FAM171A1: variants seen among roughly 807,000 people sequenced by gnomAD.
FAM171A1 encodes the protein family with sequence similarity 171 member A1.
Under a neutral mutation model 74.9 loss-of-function variants are expected in FAM171A1, and 23 were observed. The ratio of observed to expected loss-of-function variants is 0.31; its 90% CI spans 0.22 to 0.44. The LOEUF is 0.44. FAM171A1 is among the 20% of genes least tolerant of loss of function. The pLI, the probability that FAM171A1 is intolerant of heterozygous loss-of-function variation, is 1.00. For missense variants in FAM171A1, 1,162 were observed against 1,159.2 expected, an observed-to-expected ratio of 1.00 and a Z score of -0.03; for synonymous variants, 527 against 505.7, an observed-to-expected ratio of 1.04 and a Z score of -0.57.
Position 15,275,960 on chromosome 10 carries a change from G to T in FAM171A1, c.326-13C>A, listed in dbSNP as rs774797125. ...AGAGAGGAAAATACTGCAGGAAAAAGAAATGGATAGAAGGGGATTTTAATA... is the reference window on the plus strand; with the variant it reads ...AGAGAGGAAAATACTGCAGGAAAAATAAATGGATAGAAGGGGATTTTAATA... On this transcript the variant is annotated splice_polypyrimidine_tract_variant and intron_variant, in intron 2 of 7. Transcript: ENST00000378116. 1.3e-6 allele frequency: 2 copies of T among 1,588,198 alleles called. No individual in the cohort carries two copies. Among genetic ancestry groups the T allele is most frequent in the Non-Finnish European group, 1.7e-6 (2 of 1,160,688 alleles).
chr10:15,296,486 T>C (rs1385270191), intron 1 of FAM171A1, among the ~76,000 whole-genome samples: 2 of 152,212 alleles, frequency 1.3e-5, no homozygotes, highest in Non-Finnish European at 2.9e-5. Flanking sequence ...GCAATCCTTG[T>C]GTGTGTTTAA....
chr10:15,352,962 C>CA (rs1446337156), intron 1 of FAM171A1, among the ~76,000 whole-genome samples: 1 of 152,222 alleles, frequency 6.6e-6, no homozygotes, highest in Non-Finnish European at 1.5e-5. Flanking sequence ...CTACCAGCAA[C>CA]ATTTGGACAA....
intron 1 of FAM171A1, among the ~76,000 whole-genome samples, chr10:15,302,975 G>A (rs1835250358): frequency 1.3e-5 from 2 of 152,138 alleles, no homozygotes; most frequent in African/African-American, 4.8e-5. Flanking sequence ...GATTACCTGA[G>A]GTCAGGAGTT....
chr10:15,371,017 C>T lies in FAM171A1; in HGVS notation c.36G>A (p.Leu12=). The part of the protein sequence containing the change: ...SRSATLLLCL[L]GCHVWKAVTK... Reference sequence around the variant, plus strand: ...TCACCGCCTTCCAGACGTGGCAGCCCAGCAGGCACAGCAGCAGCGTCGCGG... The same window carrying T: ...TCACCGCCTTCCAGACGTGGCAGCCTAGCAGGCACAGCAGCAGCGTCGCGG... Residue 12 remains leucine, a synonymous_variant, in exon 1 of 8, where the codon CTG becomes CTA. Transcript: ENST00000378116. The T allele has an allele frequency of 1.3e-5, 15 of 1,185,166 alleles. No homozygotes were observed. The highest frequency in any genetic ancestry group is 1.6e-5 in the Non-Finnish European group (15 of 934,234). 73.4% of individuals were successfully genotyped at this position (1,185,166 alleles called of 1,614,324 possible).
At chr10:15,288,127 GTA>G (rs1163388970) in intron 1 of FAM171A1, among the ~76,000 whole-genome samples, 1 of 152,146 alleles carries the variant, frequency 6.6e-6, no homozygotes, top group Non-Finnish European at 1.5e-5. Flanking sequence ...GTATTCCATA[GTA>G]TATATATACC....
chr10:15,366,209 T>C (rs1315769768), intron 1 of FAM171A1, among the ~76,000 whole-genome samples: 1 of 152,182 alleles, frequency 6.6e-6, no homozygotes, highest in Non-Finnish European at 1.5e-5. Context: ...AACCTCTGCC[T>C]CCCGAGTTCA....
At chr10:15,273,027 G>C (rs1408649324) in intron 3 of FAM171A1, among the ~76,000 whole-genome samples, 1 of 152,018 alleles carries the variant, frequency 6.6e-6, no homozygotes, top group Non-Finnish European at 1.5e-5. Context: ...CAGAAGGCAA[G>C]AAATAACTAA....
At chr10:15,341,532 C>T (rs966299963) in intron 1 of FAM171A1, among the ~76,000 whole-genome samples, 2 of 152,158 alleles carry the variant, frequency 1.3e-5, no homozygotes, top group Non-Finnish European at 2.9e-5. Flanking sequence ...GATTTCTGAT[C>T]GGATCCATGG....
intron 1 of FAM171A1, among the ~76,000 whole-genome samples, chr10:15,359,112 CAT>C (rs774025604): frequency 2.3e-4 from 35 of 152,206 alleles, no homozygotes; most frequent in Admixed American, 1.6e-3. Flanking sequence ...GCACCGAGCA[CAT>C]GTTTCCTAAT....
At chr10:15,244,322 G>A (rs916389603) in intron 5 of FAM171A1, among the ~76,000 whole-genome samples, 1 of 152,136 alleles carries the variant, frequency 6.6e-6, no homozygotes, top group Admixed American at 6.5e-5. Flanking sequence ...GCCACAGCAC[G>A]CCAGCTTGGG....
At chr10:15,276,211 C>G (rs1414457127) in intron 2 of FAM171A1, among the ~76,000 whole-genome samples, 5 of 151,410 alleles carry the variant, frequency 3.3e-5, no homozygotes, top group African/African-American at 4.9e-5. Flanking sequence ...GAGACGGACT[C>G]TCGCTTGTCA....
At chr10:15,343,273 G>C (rs960818450) in intron 1 of FAM171A1, among the ~76,000 whole-genome samples, 5 of 152,224 alleles carry the variant, frequency 3.3e-5, no homozygotes, top group African/African-American at 1.2e-4. Context: ...GGGGGCTGAG[G>C]TGGGAGGATC....
Position 15,229,594 on chromosome 10 carries a change from TCATCAC to T in FAM171A1, c.755-8540_755-8535del, listed in dbSNP as rs1183665106. ...ATCACCAACGTCATCATCATCACCA[TCATCAC>T]CATCACCATCATCACCATTGTCACC... On this transcript the variant is annotated intron_variant, in intron 5 of 7. Coordinates refer to ENST00000378116, the MANE Select transcript of FAM171A1 (RefSeq NM_001010924.2). Among the ~76,000 whole-genome samples the T allele has an allele frequency of 2.7e-4, 32 of 120,508 alleles. 1 individual carries two copies. Among genetic ancestry groups the T allele is most frequent in the East Asian group, 1.6e-3 (6 of 3,700 alleles). The allele number at this position is 120,508 out of a possible 152,430, so 79.1% of individuals were successfully genotyped here.
rs183479453 is a variant in FAM171A1 at position 15,359,853 on chromosome 10, C to T, written c.97+11103G>A. On this transcript the variant is annotated intron_variant, in intron 1 of 7. Transcript: ENST00000378116. The stretch of plus-strand genomic sequence containing the variant: ...CACGGAGGTCAGAAAGGCTTCTGGC[C>T]AGGACAACAAAACAACAGGGACTCC... Among the ~76,000 whole-genome samples, 565 of 152,252 alleles carry T rather than the reference C, an allele frequency of 3.7e-3. 1 individual carries two copies. The highest frequency in any genetic ancestry group is 0.013 in the African/African-American group (541 of 41,546).
At position 15,213,781 on chromosome 10, in the gene FAM171A1, C is replaced by T. The variant is rs143605761; in HGVS notation, c.1807G>A (p.Val603Ile). The change falls in exon 8 of 8, where the codon GTC becomes ATC. Residue 603 changes from valine to isoleucine, a missense_variant. Physicochemically the swap from Val to Ile is conservative, Grantham distance 29. Coordinates refer to ENST00000378116, the MANE Select transcript of FAM171A1 (RefSeq NM_001010924.2). This position sits in a 1 kb window ranked among gnomAD's most constrained non-coding sequence, Gnocchi z 6.8. ...DHSYVSQPLV[V>I]PADQQLEIER... is the part of the protein sequence containing the mutation. ...ATCTCAAGCTGCTGATCAGCCGGGA[C>T]GACGAGGGGCTGGCTGACATAGGAG... 2.1e-5 allele frequency: 34 copies of T among 1,613,986 alleles called. No individual in the cohort carries two copies. The highest frequency in any genetic ancestry group is 1.1e-4 in the East Asian group (5 of 44,894).
At chr10:15,243,986 G>A (rs1834398230) in intron 5 of FAM171A1, among the ~76,000 whole-genome samples, 3 of 152,096 alleles carry the variant, frequency 2.0e-5, no homozygotes, top group Non-Finnish European at 4.4e-5. Context: ...TCCTAACCTC[G>A]TGATCTGCCC....
chr10:15,222,329 G>A (rs140146073), intron 5 of FAM171A1, among the ~76,000 whole-genome samples: 8 of 152,230 alleles, frequency 5.3e-5, no homozygotes, highest in Admixed American at 2.0e-4. Context: ...ATCATAGAGC[G>A]TCCTTATGCA....
chr10:15,295,792 T>C (rs1835154553), intron 1 of FAM171A1, among the ~76,000 whole-genome samples: 1 of 152,214 alleles, frequency 6.6e-6, no homozygotes, highest in African/African-American at 2.4e-5. Flanking sequence ...CCAGCACTCC[T>C]GTGGCTGCCT....
intron 1 of FAM171A1, among the ~76,000 whole-genome samples, chr10:15,309,178 A>G (rs1835330403): frequency 6.6e-6 from 1 of 152,198 alleles, no homozygotes; most frequent in African/African-American, 2.4e-5. Flanking sequence ...CTTAAATGTA[A>G]TACAAATTAG....
Sources: gnomAD v4.1 joint callset for allele counts (sites outside exome capture counted in the v4.1 genomes callset) on GRCh38, gnomAD v4.1.1 for gene constraint, Gnocchi (gnomAD v3.1) non-coding constraint, MANE v1.5 for transcripts, NCBI Gene and HGNC (gene_info 2026-07-23, HGNC 2026-07-21) for gene names.